Variants in PCDH9 observed in about 807,000 individuals in gnomAD.
The protein encoded by PCDH9 is protocadherin-9.
PCDH9 carries 24 observed loss-of-function variants against 70.6 expected under a neutral mutation model. The observed-to-expected ratio is 0.34, with a 90% CI of 0.25 to 0.48. The LOEUF (loss-of-function observed/expected upper bound fraction) is 0.48. Ranked by LOEUF, PCDH9 falls within the 20% of genes least tolerant of loss-of-function variation. PCDH9 has a pLI of 0.99. For missense variants in PCDH9, 1,281 were observed against 1,503.6 expected (o/e 0.85, Z 2.45); for synonymous variants, 562 against 558.5 (o/e 1.01, Z -0.09).
intron 2 of PCDH9, among the ~76,000 whole-genome samples, chr13:67,111,676 TG>T (rs368647141): frequency 6.6e-6 from 1 of 152,180 alleles, no homozygotes; most frequent in African/African-American, 2.4e-5. Flanking sequence ...GTTATTTAAG[TG>T]GGAGTGGAAT....
At chr13:67,043,453 A>T (rs1215835376) in intron 2 of PCDH9, among the ~76,000 whole-genome samples, 3 of 152,182 alleles carry the variant, frequency 2.0e-5, no homozygotes, top group Admixed American at 2.0e-4. Context: ...GAGAAAATCG[A>T]AAGTTTCTTT....
intron 2 of PCDH9, among the ~76,000 whole-genome samples, chr13:66,964,141 T>A (rs1269628527): frequency 1.3e-5 from 2 of 152,032 alleles, no homozygotes; most frequent in East Asian, 3.9e-4. Context: ...AACACGGATA[T>A]CTTTATTGGT....
chr13:66,872,911 C>T (rs1376388430), intron 3 of PCDH9, among the ~76,000 whole-genome samples: 1 of 152,146 alleles, frequency 6.6e-6, no homozygotes, highest in Non-Finnish European at 1.5e-5. Flanking sequence ...ATGATGGCAA[C>T]ATACACACTG....
intron 3 of PCDH9, among the ~76,000 whole-genome samples, chr13:66,637,161 C>T (rs557668169): frequency 9.9e-5 from 15 of 152,234 alleles, no homozygotes; most frequent in African/African-American, 2.4e-4. Flanking sequence ...GCACACATTT[C>T]CTCTTAATAA....
intron 2 of PCDH9, among the ~76,000 whole-genome samples, chr13:66,967,022 A>G (rs1420142060): frequency 2.4e-4 from 37 of 152,090 alleles, no homozygotes; most frequent in Admixed American, 2.4e-3. Context: ...CTAAACTGGC[A>G]GATCAATGTA....
chr13:66,998,205 G>A (rs2084162874), intron 2 of PCDH9, among the ~76,000 whole-genome samples: 1 of 152,122 alleles, frequency 6.6e-6, no homozygotes, highest in Non-Finnish European at 1.5e-5. Flanking sequence ...CAGGGCCCGA[G>A]GAACAAATCA....
At chr13:66,524,629 G>A (rs117827214) in intron 4 of PCDH9, among the ~76,000 whole-genome samples, 94 of 152,022 alleles carry the variant, frequency 6.2e-4, no homozygotes, top group South Asian at 1.9e-3. Flanking sequence ...TAGAGCTATC[G>A]GAAGAGAATC....
chr13:66,712,800 T>C (rs1014823030), intron 3 of PCDH9, among the ~76,000 whole-genome samples: 3 of 152,138 alleles, frequency 2.0e-5, no homozygotes, highest in African/African-American at 7.2e-5. Flanking sequence ...GATTGGCTTT[T>C]CCTGCACAAA....
At chr13:66,680,597 T>C (rs1476388752) in intron 3 of PCDH9, among the ~76,000 whole-genome samples, 1 of 151,564 alleles carries the variant, frequency 6.6e-6, no homozygotes, top group Non-Finnish European at 1.5e-5. Context: ...CTTTTATCCA[T>C]AGGTTGCTGC....
chr13:66,825,906 G>C (rs1229889124), intron 3 of PCDH9, among the ~76,000 whole-genome samples: 2 of 151,970 alleles, frequency 1.3e-5, no homozygotes, highest in African/African-American at 4.8e-5. Context: ...TTTTAAAAAA[G>C]AATGATAGTT....
chr13:67,004,062 T>C (rs2084299153), intron 2 of PCDH9, among the ~76,000 whole-genome samples: 1 of 152,142 alleles, frequency 6.6e-6, no homozygotes, highest in South Asian at 2.1e-4. Context: ...GTGAAAAACA[T>C]CCCTATTATG....
intron 2 of PCDH9, among the ~76,000 whole-genome samples, chr13:67,163,340 T>A (rs893582931): frequency 6.6e-6 from 1 of 152,250 alleles, no homozygotes; most frequent in Non-Finnish European, 1.5e-5. Context: ...TGAAATAATA[T>A]AAGGGATCTT....
At chr13:66,966,647 A>G (rs2083438738) in intron 2 of PCDH9, among the ~76,000 whole-genome samples, 1 of 152,140 alleles carries the variant, frequency 6.6e-6, no homozygotes, top group Non-Finnish European at 1.5e-5. Flanking sequence ...CTATAATTCT[A>G]TGATTTAAGA....
chr13:66,857,550 C>G (rs1264087910), intron 3 of PCDH9, among the ~76,000 whole-genome samples: 2 of 152,070 alleles, frequency 1.3e-5, no homozygotes, highest in African/African-American at 4.8e-5. Flanking sequence ...GTCTAGAGGT[C>G]ACCAGGAAAC....
intron 2 of PCDH9, among the ~76,000 whole-genome samples, chr13:66,981,917 T>C (rs2083779131): frequency 1.3e-5 from 2 of 152,190 alleles, no homozygotes; most frequent in South Asian, 4.1e-4. Context: ...GTAACACAAA[T>C]ATAAAATTAA....
intron 4 of PCDH9, among the ~76,000 whole-genome samples, chr13:66,485,408 T>C (rs1362304129): frequency 1.3e-5 from 2 of 152,230 alleles, no homozygotes; most frequent in Non-Finnish European, 2.9e-5. Context: ...TAAAATAATA[T>C]GCTGGGCTGC....
intron 3 of PCDH9, among the ~76,000 whole-genome samples, chr13:66,633,782 A>G (rs2077602545): frequency 6.6e-6 from 1 of 151,980 alleles, no homozygotes; most frequent in Admixed American, 6.5e-5. Flanking sequence ...AGAAGTAAAA[A>G]AGAAAAAAAT....
intron 4 of PCDH9, among the ~76,000 whole-genome samples, chr13:66,553,814 C>A (rs1566412036): frequency 6.6e-6 from 1 of 152,240 alleles, no homozygotes; most frequent in South Asian, 2.1e-4. Flanking sequence ...GAAACTATTT[C>A]TATTTCCATT....
At chr13:66,446,810 A>G (rs569326022) in intron 4 of PCDH9, among the ~76,000 whole-genome samples, 1 of 152,086 alleles carries the variant, frequency 6.6e-6, no homozygotes, top group Non-Finnish European at 1.5e-5. Context: ...AGAATTTCTT[A>G]ACTTTTATTC....
Sources: allele counts gnomAD v4.1 joint callset (sites outside exome capture counted in the v4.1 genomes callset), GRCh38; gene constraint gnomAD v4.1.1; transcripts MANE v1.5; gene names NCBI Gene and HGNC (gene_info 2026-07-23, HGNC 2026-07-21).